Variants in NCSTN observed in about 807,000 individuals in gnomAD.
NCSTN encodes the protein anterior pharynx-defective 2.
Under a neutral mutation model 87.0 loss-of-function variants are expected in NCSTN, and 22 were observed. The observed-to-expected ratio is 0.25, with a 90% CI of 0.18 to 0.36. The LOEUF is 0.36. NCSTN is among the 10% of genes least tolerant of loss of function. NCSTN has a pLI of 1.00. For missense variants in NCSTN, 693 were observed against 883.3 expected, an observed-to-expected ratio of 0.78 and a Z score of 2.73; for synonymous variants, 306 against 327.1, an observed-to-expected ratio of 0.94 and a Z score of 0.69.
chr1:160,345,648 A>G (rs1648439014), intron 2 of NCSTN, among the ~76,000 whole-genome samples: 1 of 152,092 alleles, frequency 6.6e-6, no homozygotes, highest in Non-Finnish European at 1.5e-5. Context: ...TGAAAATGCC[A>G]AATAGGCTGG....
At chr1:160,358,057 T>C in intron 16 of NCSTN, 92 bp from the exon 17 acceptor site, 1 of 1,554,782 alleles carries the variant, frequency 6.4e-7, no homozygotes, top group Admixed American at 1.7e-5. Flanking sequence ...GCATCCGAAT[T>C]CCCATGGCTC....
At position 160,351,736 on chromosome 1, in the gene NCSTN, C is replaced by T; in HGVS notation, c.774C>T (p.Ser258=). The T allele has an allele frequency of 6.2e-7, 1 of 1,613,098 alleles. No individual in the cohort carries two copies. The highest frequency in any genetic ancestry group is 1.1e-5 in the South Asian group (1 of 91,066). ...CDPLSDYNVW[S]MLKPINTTGT... is the part of the protein sequence containing the mutation. The stretch of plus-strand genomic sequence containing the variant: ...CCCTGTCTGATTACAATGTGTGGAG[C>T]ATGCTAAAGCCTATAAATACAACTG... The change falls in exon 7 of 17, where the codon AGC becomes AGT. Residue 258 remains serine (S), a synonymous_variant. Coordinates refer to ENST00000294785, the MANE Select transcript of NCSTN (RefSeq NM_015331.3).
At chr1:160,347,087 T>C (rs966288079) in intron 2 of NCSTN, among the ~76,000 whole-genome samples, 1 of 152,230 alleles carries the variant, frequency 6.6e-6, no homozygotes, top group Non-Finnish European at 1.5e-5. Context: ...TCTATGTTCT[T>C]AAAACAGCTC....
Position 160,350,224 on chromosome 1 carries a change from G to A in NCSTN, c.556G>A (p.Glu186Lys). 1.2e-6 allele frequency: 2 copies of A among 1,614,124 alleles called. No homozygotes were observed. The highest frequency in any genetic ancestry group is 1.1e-5 in the South Asian group (1 of 91,080). Residue 186 changes from glutamate (E) to lysine (K), a missense_variant, in exon 5 of 17, where the codon GAA (glutamate) becomes AAA (lysine). By Grantham distance (56) the Glu-to-Lys change is moderately conservative (BLOSUM62 1). Coordinates refer to ENST00000294785, the MANE Select transcript of NCSTN (RefSeq NM_015331.3). ...TTTCCCCATCTTTCTTCTTGAAGAT[G>A]AAAATGAAACCAAAGTCATCAAGCA... ...FSFPIFLLED[E>K]NETKVIKQCY...
Position 160,355,645 on chromosome 1 carries a change from T to C in NCSTN, c.1353-10T>C. 2 of 1,606,962 alleles carry C rather than the reference T, an allele frequency of 1.2e-6. No homozygotes were observed. Among genetic ancestry groups the C allele is most frequent in the Non-Finnish European group, 1.7e-6 (2 of 1,173,422 alleles). On this transcript the variant is annotated splice_polypyrimidine_tract_variant and intron_variant, in intron 11 of 16. Coordinates refer to ENST00000294785, the MANE Select transcript of NCSTN (RefSeq NM_015331.3). Reference sequence around the variant, plus strand: ...AATGTAGCCAAGGCTCATGCCGGCTTTCCTGGCAGATATTACCAGAGTATT... The same window carrying C: ...AATGTAGCCAAGGCTCATGCCGGCTCTCCTGGCAGATATTACCAGAGTATT...
At position 160,349,000 on chromosome 1, in the gene NCSTN, T is replaced by C. The variant is rs1234637658; in HGVS notation, c.192T>C (p.Ser64=). 1 of 1,614,202 alleles carries C rather than the reference T, an allele frequency of 6.2e-7. No homozygotes were observed. Residue 64 remains serine (S), a splice_region_variant and synonymous_variant, in exon 3 of 17, where the codon TCT becomes TCC. Coordinates refer to ENST00000294785, the MANE Select transcript of NCSTN (RefSeq NM_015331.3). ...ATTTGACTCATTCTGTCCTGGCAGC[T>C]TCAATTAGTGGAGACACAGGGGTTA... The part of the protein sequence containing the change: ...LNATHQIGCQ[S]SISGDTGVIH...
intron 1 of NCSTN, 92 bp from the exon 2 acceptor site, chr1:160,344,630 A>G: frequency 6.4e-7 from 1 of 1,571,680 alleles, no homozygotes; most frequent in Non-Finnish European, 8.7e-7. Context: ...ATATTAAATG[A>G]TTTACCCAAG....
chr1:160,355,516 G>T, intron 11 of NCSTN, 139 bp from the exon 12 acceptor site: 1 of 717,458 alleles, frequency 1.4e-6, no homozygotes, highest in East Asian at 2.6e-5. Flanking sequence ...TCTGCAATAT[G>T]GGATCCTGAT....
Position 160,349,665 on chromosome 1 carries a change from G to A in NCSTN, c.431G>A (p.Gly144Glu). Residue 144 changes from glycine (G) to glutamate (E), a missense_variant, in exon 4 of 17, where the codon GGG becomes GAG. Transcript: ENST00000294785. ...FSPSVQCPND[G>E]FGVYSNSYGP... Reference sequence around the variant, plus strand: ...CCTAGTGTACAGTGCCCAAATGATGGGTTTGGTAAGTGTCCCAAAGGATCA... The same window carrying A: ...CCTAGTGTACAGTGCCCAAATGATGAGTTTGGTAAGTGTCCCAAAGGATCA... 1.2e-6 allele frequency: 2 copies of A among 1,613,812 alleles called. No individual in the cohort carries two copies. Among genetic ancestry groups the A allele is most frequent in the Non-Finnish European group, 1.7e-6 (2 of 1,180,014 alleles).
intron 2 of NCSTN, among the ~76,000 whole-genome samples, chr1:160,346,556 T>A (rs986262084): frequency 6.6e-6 from 1 of 152,024 alleles, no homozygotes; most frequent in Non-Finnish European, 1.5e-5. Flanking sequence ...GCACTGGGAG[T>A]AGGTTGACTG....
intron 15 of NCSTN, 37 bp from the exon 16 acceptor site, chr1:160,357,004 C>T (rs1649163871): frequency 6.4e-7 from 1 of 1,564,910 alleles, no homozygotes; most frequent in South Asian, 1.1e-5. Flanking sequence ...AGAAGAGGAT[C>T]ACCCTAGCCG....
chr1:160,343,574 T>C (rs1648240737), intron 1 of NCSTN, 93 bp downstream of exon 1: 2 of 1,164,726 alleles, frequency 1.7e-6, no homozygotes, highest in South Asian at 2.6e-5. Context: ...TGGTTCCTGC[T>C]GCCCCTCTGT....
In NCSTN at chr1:160,345,938, GAAAAA is replaced by G. The variant is rs56358787; in HGVS notation, c.190+1131_190+1135del. Among the ~76,000 whole-genome samples the G allele has an allele frequency of 2.2e-4, 13 of 59,790 alleles. No homozygotes were observed. The South Asian group carries it at 2.9e-3, about 13-fold the overall frequency. 39.2% of individuals were successfully genotyped at this position (59,790 alleles called of 152,430 possible). On this transcript the variant is annotated intron_variant, in intron 2 of 16. Coordinates refer to ENST00000294785, the MANE Select transcript of NCSTN (RefSeq NM_015331.3). ...TAGGTGACAGAGTGAGACACTGTCT[GAAAAA>G]AAAAAAAAAAAAAAAAAAGAAAATG...
At chr1:160,350,608 A>G (rs1423611559) in intron 5 of NCSTN, among the ~76,000 whole-genome samples, 1 of 152,184 alleles carries the variant, frequency 6.6e-6, no homozygotes, top group Non-Finnish European at 1.5e-5. Context: ...CCTACCTGAT[A>G]TTACAGCATT....
Position 160,350,132 on chromosome 1 carries a change from A to G in NCSTN, c.464A>G (p.Glu155Gly), listed in dbSNP as rs765436920. The G allele has an allele frequency of 3.1e-6, 5 of 1,614,102 alleles. No homozygotes were observed. In the East Asian group the frequency reaches 1.1e-4, roughly 36 times the overall value. The change falls in exon 5 of 17, where the codon GAG (glutamate) becomes GGG (glycine). Residue 155 changes from glutamate (E) to glycine (G), a missense_variant. This residue lies in a region of NCSTN where 235 missense variants were observed against 233.9 expected (regional missense o/e 1.00). Coordinates refer to ENST00000294785, the MANE Select transcript of NCSTN (RefSeq NM_015331.3). Reference protein sequence around the residue: ...FGVYSNSYGPEFAHCREIQWN... With the variant: ...FGVYSNSYGPGFAHCREIQWN... ...GTTTACTCCAATTCCTATGGGCCAG[A>G]GTTTGCTCACTGCAGAGAAATACAG...
In NCSTN at chr1:160,356,771, G is replaced by T. The variant is rs776139601; in HGVS notation, c.1794+17G>T. On this transcript the variant is annotated intron_variant, in intron 15 of 16. Transcript: ENST00000294785. ...AACAAGGATGTGAGTGGTGGTGGGT[G>T]TTGGAAGTGCCCTGGGGCCCCTTTC... is the stretch of plus-strand genomic sequence containing the variant. The T allele has an allele frequency of 1.2e-6, 2 of 1,614,142 alleles. No homozygotes were observed. Among genetic ancestry groups the T allele is most frequent in the Non-Finnish European group, 1.7e-6 (2 of 1,180,028 alleles).
chr1:160,356,913 C>T, intron 15 of NCSTN, 128 bp from the exon 16 acceptor site: 1 of 1,360,710 alleles, frequency 7.3e-7, no homozygotes, highest in Non-Finnish European at 1.0e-6. Flanking sequence ...GAAAATGGAC[C>T]ATCTGAAGGG....
chr1:160,356,968 C>G, intron 15 of NCSTN, 73 bp from the exon 16 acceptor site: 1 of 1,458,064 alleles, frequency 6.9e-7, no homozygotes, highest in Non-Finnish European at 9.6e-7. Flanking sequence ...GAGCATGGCA[C>G]TGATAGAGGG....
At position 160,344,748 on chromosome 1, in the gene NCSTN, A is replaced by G. The variant is rs137960789; in HGVS notation, c.112A>G (p.Arg38Gly). The change falls in exon 2 of 17, where the codon AGG becomes GGG. Residue 38 changes from arginine (R) to glycine (G), a missense_variant. Physicochemically the swap from Arg to Gly is moderately radical, Grantham distance 125. Transcript: ENST00000294785. ...TTTGTGCAGGGGAAACTCAGTGGAG[A>G]GGAAGATATATATCCCCTTAAATAA... ...AGLCRGNSVE[R>G]KIYIPLNKTA... 11 of 1,614,020 alleles carry G rather than the reference A, an allele frequency of 6.8e-6. No individual in the cohort carries two copies. The highest frequency in any genetic ancestry group is 1.6e-4 in the Middle Eastern group (1 of 6,084).
Sources: allele counts gnomAD v4.1 joint callset (sites outside exome capture counted in the v4.1 genomes callset), GRCh38; gene constraint gnomAD v4.1.1; regional missense constraint gnomAD v4.1.1; transcripts MANE v1.5; gene names NCBI Gene and HGNC (gene_info 2026-07-23, HGNC 2026-07-21).